FMN1: variants seen among roughly 807,000 people sequenced by gnomAD.
FMN1 encodes formin-1.
Under a neutral mutation model 132.4 loss-of-function variants are expected in FMN1, and 110 were observed. The observed-to-expected ratio is 0.83, with a 90% CI of 0.71 to 0.97. FMN1 has a LOEUF of 0.97. Among genes scored for constraint, FMN1 ranks in the 50% least tolerant of loss-of-function variants. FMN1 has a pLI of 0.00. For synonymous variants in FMN1, 722 were observed against 651.7 expected, an observed-to-expected ratio of 1.11 and a Z score of -1.64; for missense variants, 1,792 against 1,705.3, an observed-to-expected ratio of 1.05 and a Z score of -0.90.
At chr15:33,144,851 T>G (rs1935245686) in intron 4 of FMN1, among the ~76,000 whole-genome samples, 1 of 152,038 alleles carries the variant, frequency 6.6e-6, no homozygotes. Context: ...CCAAAAGGAG[T>G]GGGATTTTAA....
chr15:32,842,787 C>CT (rs5811710), intron 17 of FMN1, among the ~76,000 whole-genome samples: 31,173 of 139,832 alleles, frequency 0.22, 3,849 homozygotes, highest in East Asian at 0.41. Context: ...GGAACCTCAG[C>CT]TTTTTTTTTT....
intron 3 of FMN1, among the ~76,000 whole-genome samples, chr15:33,163,262 C>T (rs992754493): frequency 3.3e-5 from 5 of 151,226 alleles, no homozygotes; most frequent in Admixed American, 6.6e-5. Context: ...TAACCTGTAC[C>T]GGTATTTGCT....
chr15:32,813,888 C>A (rs781315723), intron 17 of FMN1, among the ~76,000 whole-genome samples: 30 of 152,258 alleles, frequency 2.0e-4, no homozygotes, highest in African/African-American at 5.3e-4. Flanking sequence ...CATTTTCCAA[C>A]GCTCCCTGCT....
Position 33,096,846 on chromosome 15 carries a change from C to T in FMN1, c.1868-7872G>A, listed in dbSNP as rs747865893. Among the ~76,000 whole-genome samples, 86 of 152,344 alleles carry T rather than the reference C, an allele frequency of 5.6e-4. 2 individuals are homozygous for T. The highest frequency in any genetic ancestry group is 7.7e-4 in the East Asian group (4 of 5,180). On this transcript the variant is annotated intron_variant, in intron 4 of 20. Transcript: ENST00000616417. ...CGAACCCCTAGGCTAAAGCAATCCG[C>T]CAGCCTTGGCTTTCCAAAGTGCTGG...
chr15:32,936,716 G>GGA (rs1281746807), intron 9 of FMN1, among the ~76,000 whole-genome samples: 1 of 151,774 alleles, frequency 6.6e-6, no homozygotes. Flanking sequence ...AGGAAAGGAA[G>GGA]GAAGGAGAAG....
At chr15:33,114,235 G>A (rs968434344) in intron 4 of FMN1, among the ~76,000 whole-genome samples, 1 of 152,194 alleles carries the variant, frequency 6.6e-6, no homozygotes, top group Non-Finnish European at 1.5e-5. Flanking sequence ...AGGCCTATGG[G>A]TTATTATTTC....
At position 32,898,953 on chromosome 15, in the gene FMN1, G is replaced by T. The variant is rs991386612; in HGVS notation, c.3655-60C>A. 7.1e-6 allele frequency: 8 copies of T among 1,133,352 alleles called. No homozygotes were observed. The Admixed American group carries it at 9.7e-5, about 14-fold the overall frequency. The allele number at this position is 1,133,352 out of a possible 1,614,324, so 70.2% of individuals were successfully genotyped here. On this transcript the variant is annotated intron_variant, in intron 14 of 20. Transcript: ENST00000616417. The stretch of plus-strand genomic sequence containing the variant: ...TCCCATGAGACTGTCATGTTACACG[G>T]TTGAGAGGTGAAATCTCAGTTGAGA...
At chr15:33,051,080 AC>A (rs536933581) in intron 6 of FMN1, among the ~76,000 whole-genome samples, 1 of 151,860 alleles carries the variant, frequency 6.6e-6, no homozygotes, top group Non-Finnish European at 1.5e-5. Context: ...GTTCACAAGG[AC>A]CCCCCCTTTA....
chr15:33,180,721 C>A (rs181876759), intron 2 of FMN1, among the ~76,000 whole-genome samples: 49 of 150,920 alleles, frequency 3.2e-4, no homozygotes, highest in Middle Eastern at 3.5e-3. Flanking sequence ...ACAGCCAGAT[C>A]CCTTCAGAGG....
chr15:33,155,721 G>A (rs1049337603), intron 3 of FMN1, among the ~76,000 whole-genome samples: 3 of 151,044 alleles, frequency 2.0e-5, no homozygotes, highest in East Asian at 3.9e-4. Context: ...TTGTCTATTC[G>A]AAGCCAAATG....
chr15:33,035,778 C>T (rs1289142946), intron 6 of FMN1, among the ~76,000 whole-genome samples: 1 of 152,182 alleles, frequency 6.6e-6, no homozygotes, highest in Non-Finnish European at 1.5e-5. Flanking sequence ...CTGCCCCCTC[C>T]AAAACTCATG....
At chr15:32,981,518 A>AAATAATAATAATAAT (rs34776483) in intron 7 of FMN1, among the ~76,000 whole-genome samples, 10 of 140,636 alleles carry the variant, frequency 7.1e-5, no homozygotes, top group African/African-American at 2.7e-4. Context: ...ACTCCATCTC[A>AAATAATAATAATAAT]AATAATAATA....
chr15:32,869,966 CTTGT>C (rs1208445377), intron 16 of FMN1, among the ~76,000 whole-genome samples: 1 of 152,138 alleles, frequency 6.6e-6, no homozygotes, highest in African/African-American at 2.4e-5. Flanking sequence ...TCTGTAGCCA[CTTGT>C]TTAAGAAGTT....
Position 33,080,577 on chromosome 15 carries a change from A to T in FMN1, c.2043+8222T>A, listed in dbSNP as rs150650953. On this transcript the variant is annotated intron_variant, in intron 5 of 20. Coordinates refer to ENST00000616417, the MANE Select transcript of FMN1 (RefSeq NM_001277313.2). ...AGACCAGCCTGGCCAATGTAGTGAA[A>T]CTCCATCTCTACAAAAATACAAAAA... Among the ~76,000 whole-genome samples the T allele has an allele frequency of 4.6e-3, 693 of 152,168 alleles. 5 individuals are homozygous for T. The highest frequency in any genetic ancestry group is 8.4e-3 in the Non-Finnish European group (572 of 67,998).
intron 6 of FMN1, among the ~76,000 whole-genome samples, chr15:33,045,996 T>C (rs2036663032): frequency 1.3e-5 from 2 of 152,212 alleles, no homozygotes; most frequent in South Asian, 4.1e-4. Context: ...GGCATTTAAT[T>C]ATGAAATAAT....
At chr15:32,790,781 C>G (rs1462893910) in intron 19 of FMN1, among the ~76,000 whole-genome samples, 2 of 152,206 alleles carry the variant, frequency 1.3e-5, no homozygotes, top group African/African-American at 4.8e-5. Context: ...AATGCTCTTT[C>G]AATATCCAGC....
chr15:32,807,734 T>C (rs1459891159), intron 17 of FMN1, among the ~76,000 whole-genome samples: 2 of 152,168 alleles, frequency 1.3e-5, no homozygotes, highest in Non-Finnish European at 2.9e-5. Context: ...AGAGTCTAAA[T>C]GTAAAAAGAG....
intron 9 of FMN1, among the ~76,000 whole-genome samples, chr15:32,957,457 C>T (rs2029938325): frequency 6.6e-6 from 1 of 151,922 alleles, no homozygotes; most frequent in African/African-American, 2.4e-5. Flanking sequence ...ACAGGGGAAA[C>T]TCTTTATCTT....
chr15:32,925,900 CAAAT>C (rs935321949), intron 10 of FMN1, among the ~76,000 whole-genome samples: 9 of 152,168 alleles, frequency 5.9e-5, no homozygotes, highest in African/African-American at 1.4e-4. Context: ...ACCTGTAAAA[CAAAT>C]AAATAAATAA....
Sources: gnomAD v4.1 joint callset for allele counts (sites outside exome capture counted in the v4.1 genomes callset) on GRCh38, gnomAD v4.1.1 for gene constraint, MANE v1.5 for transcripts, NCBI Gene and HGNC (gene_info 2026-07-23, HGNC 2026-07-21) for gene names.